Variants in BRCA1 observed in about 807,000 individuals in gnomAD.
BRCA1 encodes the protein BRCA1 DNA repair associated, also known as breast cancer type 1 susceptibility protein.
BRCA1 carries 140 observed loss-of-function variants against 173.7 expected under a neutral mutation model. The observed-to-expected ratio is 0.81, with a 90% confidence interval of 0.70 to 0.93. The LOEUF (loss-of-function observed/expected upper bound fraction) is 0.93, where lower values mean the gene tolerates loss of function less well. Ranked by LOEUF, BRCA1 falls within the 40% of genes least tolerant of loss-of-function variation. The probability of loss-of-function intolerance (pLI) is 0.00; values close to 1 mark genes in which losing one functional copy is unlikely to be tolerated. For synonymous variants in BRCA1, 662 were observed against 756.0 expected (o/e 0.88, Z 2.04); for missense variants, 1,983 against 2,172.5 (o/e 0.91, Z 1.73).
At position 43,118,993 on chromosome 17, in the gene BRCA1, T is replaced by G. The variant is rs559888867; in HGVS notation, c.81-3214A>C. On this transcript the variant is annotated intron_variant, in intron 2 of 22. Coordinates refer to ENST00000357654, the MANE Select transcript of BRCA1 (RefSeq NM_007294.4). ...ATTGCCCAGGCTGGTCTTGAAGTCC[T>G]GACCTCAAGTGATCCATCTGCCTCG... The G allele has an allele frequency of 2.8e-4, 60 of 211,336 alleles. 1 individual carries two copies. In the East Asian group the frequency reaches 4.2e-3, roughly 15 times the overall value. 13.1% of individuals were successfully genotyped at this position (211,336 alleles called of 1,614,324 possible). A position where few individuals can be genotyped will look rare whatever the true frequency, so the allele number is the denominator to read the frequency against.
At chr17:43,102,726 C>T (rs1051855956) in intron 6 of BRCA1, among the ~76,000 whole-genome samples, 1 of 151,588 alleles carries the variant, frequency 6.6e-6, no homozygotes, top group East Asian at 1.9e-4. Context: ...GATCATAGCT[C>T]ACTGTAGTCT....
chr17:43,133,637 C>CT (rs34083503), intron 1 of BRCA1, among the ~76,000 whole-genome samples: 25,562 of 138,522 alleles, frequency 0.18, 2,547 homozygotes, highest in East Asian at 0.28. Context: ...TTTTCACTTC[C>CT]TTTTTTTTTT....
At chr17:43,134,857 T>G (rs2056002716) in intron 1 of BRCA1, among the ~76,000 whole-genome samples, 1 of 152,160 alleles carries the variant, frequency 6.6e-6, no homozygotes, top group South Asian at 2.1e-4. Flanking sequence ...TTTGCAGAGA[T>G]AAAAGGGATA....
At chr17:43,055,582 T>C (rs2051423768) in intron 19 of BRCA1, among the ~76,000 whole-genome samples, 1 of 151,936 alleles carries the variant, frequency 6.6e-6, no homozygotes, top group African/African-American at 2.4e-5. Context: ...GTCTGGAATT[T>C]GAGACCAGCC....
chr17:43,120,540 C>T (rs559622059), intron 2 of BRCA1, among the ~76,000 whole-genome samples: 17 of 149,432 alleles, frequency 1.1e-4, no homozygotes, highest in Non-Finnish European at 2.1e-4. Context: ...CCGAGGTGGG[C>T]GGATCACGAG....
chr17:43,127,169 C>T (rs1295800338), upstream of BRCA1, among the ~76,000 whole-genome samples: 1 of 152,264 alleles, frequency 6.6e-6, no homozygotes, highest in African/African-American at 2.4e-5. Flanking sequence ...TCCTCAGCGC[C>T]CGGTCCCATC....
chr17:43,081,955 A>G (rs534485324), intron 12 of BRCA1, among the ~76,000 whole-genome samples: 10 of 152,350 alleles, frequency 6.6e-5, no homozygotes, highest in African/African-American at 2.2e-4. Flanking sequence ...CTGTGGATCA[A>G]AGTGCAGTTC....
chr17:43,106,118 TAA>T (rs766678487), intron 4 of BRCA1, among the ~76,000 whole-genome samples: 56 of 124,356 alleles, frequency 4.5e-4, no homozygotes, highest in Admixed American at 5.8e-4. Context: ...GACCCTGTCT[TAA>T]AAAAAAAAAA....
At chr17:43,069,589 A>C (rs1214217483) in intron 15 of BRCA1, among the ~76,000 whole-genome samples, 1 of 152,234 alleles carries the variant, frequency 6.6e-6, no homozygotes, top group Admixed American at 6.5e-5. Context: ...CCATTGAAAC[A>C]GACACAGGTA....
chr17:43,081,195 G>C (rs1039930399), intron 12 of BRCA1, among the ~76,000 whole-genome samples: 8 of 152,190 alleles, frequency 5.3e-5, no homozygotes, highest in Non-Finnish European at 8.8e-5. Flanking sequence ...GATGGTGAAA[G>C]TACCCTAAAG....
intron 1 of BRCA1, among the ~76,000 whole-genome samples, chr17:43,131,728 A>G (rs2154581328): frequency 6.6e-6 from 1 of 152,112 alleles, no homozygotes; most frequent in Admixed American, 6.5e-5. Context: ...CTCAAAAAAA[A>G]AAAAAGGATA....
chr17:43,078,442 G>A (rs1021349727), intron 12 of BRCA1, among the ~76,000 whole-genome samples: 2 of 152,206 alleles, frequency 1.3e-5, no homozygotes, highest in African/African-American at 4.8e-5. Flanking sequence ...ACAGTGCTGG[G>A]ATTATAGGCG....
At position 43,105,352 on chromosome 17, in the gene BRCA1, A is replaced by G. The variant is rs2054716334; in HGVS notation, c.213-396T>C. On this transcript the variant is annotated intron_variant, in intron 4 of 22. Coordinates refer to ENST00000357654, the MANE Select transcript of BRCA1 (RefSeq NM_007294.4). The stretch of plus-strand genomic sequence containing the variant: ...ACTTCTGTACTCAAGCTATCCTCCC[A>G]CTATAGCCTCCCAAGTAGCTAGGAC... Among the ~76,000 whole-genome samples, 4 of 152,000 alleles carry G rather than the reference A, an allele frequency of 2.6e-5. No homozygotes were observed. In the South Asian group the frequency reaches 8.3e-4, roughly 31 times the overall value.
chr17:43,129,382 C>G (rs568480992), upstream of BRCA1, among the ~76,000 whole-genome samples: 23 of 152,270 alleles, frequency 1.5e-4, no homozygotes, highest in South Asian at 3.5e-3. Flanking sequence ...TGGAGGAGCT[C>G]CAGAATATCT....
At chr17:43,123,064 G>GAA (rs149141411) in intron 2 of BRCA1, among the ~76,000 whole-genome samples, 15 of 148,282 alleles carry the variant, frequency 1.0e-4, no homozygotes, top group Admixed American at 3.4e-4. Context: ...CTCAAAAAAA[G>GAA]AAAAAAAAAT....
intron 1 of BRCA1, among the ~76,000 whole-genome samples, chr17:43,148,158 C>T (rs1391795198): frequency 2.0e-5 from 3 of 152,138 alleles, no homozygotes; most frequent in Admixed American, 1.3e-4. Flanking sequence ...CTAGTGGTGG[C>T]GCAAGCCTGT....
At chr17:43,072,890 T>C (rs889563779) in intron 14 of BRCA1, among the ~76,000 whole-genome samples, 12 of 151,264 alleles carry the variant, frequency 7.9e-5, no homozygotes, top group African/African-American at 2.9e-4. Flanking sequence ...TTTTTTTTTT[T>C]ACTTTTTATA....
chr17:43,045,920 TA>T, intron 22 of BRCA1, 118 bp from the exon 23 acceptor site: 4 of 1,236,174 alleles, frequency 3.2e-6, no homozygotes, highest in South Asian at 1.4e-5. Flanking sequence ...AGGTAGAAGC[TA>T]ATTTTTTTTT....
At chr17:43,115,893 A>C (rs1018323836) in intron 2 of BRCA1, 114 bp from the exon 3 acceptor site, 6 of 1,053,384 alleles carry the variant, frequency 5.7e-6, no homozygotes, top group Non-Finnish European at 6.9e-6. Context: ...CTGAGTCAAC[A>C]TAAGGCCTCA....
Sources: gnomAD v4.1 joint callset for allele counts (sites outside exome capture counted in the v4.1 genomes callset) on GRCh38, gnomAD v4.1.1 for gene constraint, MANE v1.5 for transcripts, NCBI Gene and HGNC (gene_info 2026-07-23, HGNC 2026-07-21) for gene names.